RARB: variants seen among roughly 807,000 people sequenced by gnomAD.
The protein encoded by RARB is retinoic acid receptor beta, also known as HBV-activated protein.
RARB carries 17 observed loss-of-function variants against 51.9 expected under a neutral mutation model. The observed-to-expected ratio is 0.33, with a 90% CI of 0.22 to 0.49. The LOEUF (loss-of-function observed/expected upper bound fraction) is 0.49. RARB is among the 20% of genes least tolerant of loss of function. The probability of loss-of-function intolerance (pLI) is 0.99; values close to 1 mark genes in which losing one functional copy is unlikely to be tolerated. For synonymous variants in RARB, 215 were observed against 195.4 expected (o/e 1.10, Z -0.84); for missense variants, 369 against 550.8 (o/e 0.67, Z 3.30).
At chr3:25,328,947 G>A (rs1473475777) in intron 5 of RARB, among the ~76,000 whole-genome samples, 3 of 152,156 alleles carry the variant, frequency 2.0e-5, no homozygotes, top group East Asian at 3.9e-4. Flanking sequence ...GTCTGAGATC[G>A]AACTGCAAGG....
At chr3:24,881,971 C>T (rs189000858) in intron 2 of RARB, among the ~76,000 whole-genome samples, 50 of 152,044 alleles carry the variant, frequency 3.3e-4, no homozygotes, top group Admixed American at 1.9e-3. Context: ...AAAAAAGATA[C>T]GTAATTATGT....
At chr3:25,119,286 G>T (rs182327735) in intron 3 of RARB, among the ~76,000 whole-genome samples, 4 of 152,200 alleles carry the variant, frequency 2.6e-5, no homozygotes, top group Admixed American at 2.6e-4. Context: ...TGAGGGGTCG[G>T]TGGTAAGGAG....
intron 3 of RARB, among the ~76,000 whole-genome samples, chr3:25,074,585 T>G (rs765323103): frequency 2.0e-5 from 3 of 152,216 alleles, no homozygotes; most frequent in Non-Finnish European, 4.4e-5. Context: ...GCCTGCCAAG[T>G]TACATATCTG....
At chr3:24,877,348 T>TTTTTTTTTTG in intron 2 of RARB, among the ~76,000 whole-genome samples, 1 of 98,022 alleles carries the variant, frequency 1.0e-5, no homozygotes, top group Admixed American at 1.0e-4. Context: ...CAATCTTACT[T>TTTTTTTTTTG]TTTTTTTTTT....
chr3:25,318,240 G>A (rs183248857), intron 5 of RARB, among the ~76,000 whole-genome samples: 5 of 152,238 alleles, frequency 3.3e-5, no homozygotes, highest in East Asian at 1.9e-4. Flanking sequence ...CAGCCATCAC[G>A]ATAGCTAGTG....
At chr3:25,034,160 A>G (rs1258538097) in intron 2 of RARB, among the ~76,000 whole-genome samples, 1 of 152,122 alleles carries the variant, frequency 6.6e-6, no homozygotes. Flanking sequence ...AAATACAAAA[A>G]TTAGCTGGAT....
intron 5 of RARB, among the ~76,000 whole-genome samples, chr3:25,362,329 G>T (rs760207179): frequency 6.6e-6 from 1 of 152,104 alleles, no homozygotes; most frequent in African/African-American, 2.4e-5. Flanking sequence ...AATGGTGGAC[G>T]CCCCTCCCCC....
chr3:25,337,294 AGTATT>A (rs1332548424), intron 5 of RARB, among the ~76,000 whole-genome samples: 1 of 152,346 alleles, frequency 6.6e-6, no homozygotes, highest in East Asian at 1.9e-4. Flanking sequence ...TAATTTAAAA[AGTATT>A]GTATGTATAA....
intron 5 of RARB, among the ~76,000 whole-genome samples, chr3:25,281,688 G>GTCA (rs897562597): frequency 1.3e-4 from 20 of 152,294 alleles, no homozygotes; most frequent in African/African-American, 4.8e-4. Context: ...TAGCCTAAGC[G>GTCA]TCATGCCAGC....
chr3:25,347,123 T>C (rs1210932697), intron 5 of RARB, among the ~76,000 whole-genome samples: 2 of 152,174 alleles, frequency 1.3e-5, no homozygotes, highest in Non-Finnish European at 2.9e-5. Flanking sequence ...ACACCATGGA[T>C]TTTCCCCCAG....
chr3:25,186,079 A>T (rs1005359583), intron 5 of RARB, among the ~76,000 whole-genome samples: 10 of 152,100 alleles, frequency 6.6e-5, no homozygotes, highest in Non-Finnish European at 1.3e-4. Flanking sequence ...ACTAACAAAG[A>T]CAAAATATAT....
chr3:25,015,306 G>A (rs1317747625), intron 2 of RARB, among the ~76,000 whole-genome samples: 1 of 152,136 alleles, frequency 6.6e-6, no homozygotes, highest in African/African-American at 2.4e-5. Flanking sequence ...AACATTCATT[G>A]TTTATTTCAT....
At chr3:25,440,615 A>G (rs1708628311) in intron 1 of RARB, among the ~76,000 whole-genome samples, 1 of 148,712 alleles carries the variant, frequency 6.7e-6, no homozygotes, top group African/African-American at 2.6e-5. Flanking sequence ...TACTAAAAAT[A>G]CAACAATTAG....
At chr3:25,230,023 G>A (rs1702140271) in intron 5 of RARB, among the ~76,000 whole-genome samples, 1 of 152,042 alleles carries the variant, frequency 6.6e-6, no homozygotes, top group Non-Finnish European at 1.5e-5. Flanking sequence ...GAATGATGAT[G>A]CCTAGTGACA....
chr3:25,049,942 A>G (rs949737774), intron 2 of RARB, among the ~76,000 whole-genome samples: 3 of 152,218 alleles, frequency 2.0e-5, no homozygotes, highest in African/African-American at 7.2e-5. Flanking sequence ...GTAGACGGGT[A>G]GTTTGTTGTT....
chr3:25,141,206 C>T (rs1700101605), intron 4 of RARB, among the ~76,000 whole-genome samples: 1 of 151,632 alleles, frequency 6.6e-6, no homozygotes, highest in African/African-American at 2.4e-5. Context: ...ATTCTTAGAC[C>T]CGGGAAACTC....
chr3:25,001,918 C>T (rs1697170296), intron 2 of RARB, among the ~76,000 whole-genome samples: 1 of 152,066 alleles, frequency 6.6e-6, no homozygotes, highest in Non-Finnish European at 1.5e-5. Flanking sequence ...GCTAGGACCA[C>T]AGGAACCCGC....
chr3:25,370,506 G>A lies in RARB; in HGVS notation c.179-90687G>A, dbSNP rs553930107. Among the ~76,000 whole-genome samples, 16 of 152,290 alleles carry A rather than the reference G, an allele frequency of 1.1e-4. No individual in the cohort carries two copies. In the South Asian group the frequency reaches 3.3e-3, roughly 32 times the overall value. On this transcript the variant is annotated intron_variant, in intron 5 of 11. Transcript: ENST00000383772. ...TAACTAGAGAGGGAAGAGGTTGGAGGAACAGGGCAGGTGAAAATACCCGCT... is the reference window on the plus strand; with the variant it reads ...TAACTAGAGAGGGAAGAGGTTGGAGAAACAGGGCAGGTGAAAATACCCGCT...
chr3:24,964,837 A>C (rs984834240), intron 2 of RARB, among the ~76,000 whole-genome samples: 1 of 152,168 alleles, frequency 6.6e-6, no homozygotes, highest in Non-Finnish European at 1.5e-5. Flanking sequence ...CCCTCAAGGG[A>C]GTTATCTAAT....
Sources: allele counts gnomAD v4.1 joint callset (sites outside exome capture counted in the v4.1 genomes callset), GRCh38; gene constraint gnomAD v4.1.1; transcripts MANE v1.5; gene names NCBI Gene and HGNC (gene_info 2026-07-23, HGNC 2026-07-21).